Variants in GSDME observed in about 807,000 individuals in gnomAD.
The protein encoded by GSDME is gasdermin E, also known as gasdermin-E.
In GSDME, 44 loss-of-function variants were observed where a neutral mutation model predicts 47.5. That is an observed-to-expected ratio of 0.93 (90% confidence interval 0.73 to 1.19). The LOEUF (loss-of-function observed/expected upper bound fraction) is 1.19, where lower values mean the gene tolerates loss of function less well. Among genes scored for constraint, GSDME ranks in the 50% most tolerant of loss-of-function variants. The probability of loss-of-function intolerance (pLI) is 0.00; values close to 1 mark genes in which losing one functional copy is unlikely to be tolerated. For synonymous variants in GSDME, 258 were observed against 252.8 expected (o/e 1.02, Z -0.20); for missense variants, 663 against 604.2 (o/e 1.10, Z -1.02).
intron 5 of GSDME, among the ~76,000 whole-genome samples, chr7:24,711,057 T>A (rs1789334475): frequency 6.6e-6 from 1 of 152,152 alleles, no homozygotes. Flanking sequence ...ATGCCTAGGA[T>A]TTGCTTCAAA....
At chr7:24,746,375 C>T (rs1039527460) in intron 2 of GSDME, among the ~76,000 whole-genome samples, 4 of 152,120 alleles carry the variant, frequency 2.6e-5, no homozygotes, top group African/African-American at 9.7e-5. Flanking sequence ...CATTCATTTC[C>T]CTGAACCTCA....
the GSDME span, among the ~76,000 whole-genome samples, chr7:24,793,527 C>A: frequency 2.0e-5 from 3 of 152,192 alleles, no homozygotes; most frequent in Non-Finnish European, 2.9e-5. Flanking sequence ...ACACACTTTG[C>A]ATATAAACTG....
At position 24,733,379 on chromosome 7, in the gene GSDME, A is replaced by G. The variant is rs753747597; in HGVS notation, c.404+11183T>C. ...ACAGCTGTGCTGGCTATGAGGAGAG[A>G]TTCCTTCTGCTTGAGAAAAGCAGAG... is the stretch of plus-strand genomic sequence containing the variant. On this transcript the variant is annotated intron_variant, in intron 3 of 9. Transcript: ENST00000645220. The surrounding 1 kb of genome is among the most constrained non-coding windows in gnomAD (Gnocchi z 4.3). Among the ~76,000 whole-genome samples the G allele has an allele frequency of 1.3e-5, 2 of 151,990 alleles. No homozygotes were observed. The highest frequency in any genetic ancestry group is 2.9e-5 in the Non-Finnish European group (2 of 68,018).
At chr7:24,766,115 T>A in the GSDME span, among the ~76,000 whole-genome samples, 6 of 152,098 alleles carry the variant, frequency 3.9e-5, no homozygotes, top group South Asian at 1.2e-3. The surrounding 1 kb of genome is among the most constrained non-coding windows in gnomAD (Gnocchi z 4.2). Flanking sequence ...TCTAGGTTAG[T>A]GACTCCTAAA....
chr7:24,703,112 G>A (rs754508838), intron 8 of GSDME: 52 of 377,082 alleles, frequency 1.4e-4, no homozygotes, highest in Middle Eastern at 9.0e-4. Context: ...AGACTCTGGG[G>A]GAAGGAAAGG....
chr7:24,737,478 A>G (rs994944346), intron 3 of GSDME, among the ~76,000 whole-genome samples: 3 of 151,546 alleles, frequency 2.0e-5, no homozygotes, highest in Non-Finnish European at 3.0e-5. Flanking sequence ...AACAAAAAAA[A>G]CAAGTAATGG....
At chr7:24,771,327 A>C in the GSDME span, among the ~76,000 whole-genome samples, 2 of 152,204 alleles carry the variant, frequency 1.3e-5, no homozygotes, top group Admixed American at 1.3e-4. The surrounding 1 kb of genome is among the most constrained non-coding windows in gnomAD (Gnocchi z 4.1). Flanking sequence ...TGGACACATT[A>C]ATGTTTTTGT....
Position 24,712,617 on chromosome 7 carries a change from G to A in GSDME, c.698-2229C>T, listed in dbSNP as rs142004909. On this transcript the variant is annotated intron_variant, in intron 5 of 9. Coordinates refer to ENST00000645220, the MANE Select transcript of GSDME (RefSeq NM_001127453.2). This position sits in a 1 kb window ranked among gnomAD's most constrained non-coding sequence, Gnocchi z 4.4. ...TGAGTGTGGTAAGAGTGGGGACAGC[G>A]GTTGAACAGGGCTGAGGCCAGAGTG... is the stretch of plus-strand genomic sequence containing the variant. Among the ~76,000 whole-genome samples the A allele has an allele frequency of 5.9e-5, 9 of 152,310 alleles. No individual in the cohort carries two copies. Among genetic ancestry groups the A allele is most frequent in the Admixed American group, 2.0e-4 (3 of 15,296 alleles).
In GSDME at chr7:24,712,520, C is replaced by A. The variant is rs1789394638; in HGVS notation, c.698-2132G>T. ...CCAGCAAATATGCAACAATGTAAATCTTTAAAATTCCCTATACCAGGCCCC... is the reference window on the plus strand; with the variant it reads ...CCAGCAAATATGCAACAATGTAAATATTTAAAATTCCCTATACCAGGCCCC... On this transcript the variant is annotated intron_variant, in intron 5 of 9. Coordinates refer to ENST00000645220, the MANE Select transcript of GSDME (RefSeq NM_001127453.2). This position sits in a 1 kb window ranked among gnomAD's most constrained non-coding sequence, Gnocchi z 4.4. Among the ~76,000 whole-genome samples, 1 of 152,214 alleles carries A rather than the reference C, an allele frequency of 6.6e-6. No individual in the cohort carries two copies. The highest frequency in any genetic ancestry group is 1.5e-5 in the Non-Finnish European group (1 of 68,042).
intron 2 of GSDME, 50 bp downstream of exon 2, chr7:24,749,514 A>AAG: frequency 7.2e-7 from 1 of 1,388,244 alleles, no homozygotes; most frequent in Non-Finnish European, 1.0e-6. Flanking sequence ...AAAAAAAAAA[A>AAG]GGATCATCCT....
intron 3 of GSDME, among the ~76,000 whole-genome samples, chr7:24,719,656 G>A (rs1481033404): frequency 6.6e-6 from 1 of 152,128 alleles, no homozygotes; most frequent in African/African-American, 2.4e-5. Context: ...AGCCAGGCGT[G>A]GTGGCACACA....
chr7:24,774,129 C>A, the GSDME span, among the ~76,000 whole-genome samples: 2 of 152,160 alleles, frequency 1.3e-5, no homozygotes, highest in Non-Finnish European at 2.9e-5. Flanking sequence ...TCCTTTCTAA[C>A]TCCATCATGG....
chr7:24,761,718 G>C (rs745961718), upstream of GSDME, among the ~76,000 whole-genome samples: 5 of 152,206 alleles, frequency 3.3e-5, no homozygotes, highest in Non-Finnish European at 5.9e-5. This position sits in a 1 kb window ranked among gnomAD's most constrained non-coding sequence, Gnocchi z 4.4. Flanking sequence ...CTTCATCATG[G>C]TGGTTTTTGG....
At chr7:24,775,531 C>T in the GSDME span, among the ~76,000 whole-genome samples, 1 of 152,090 alleles carries the variant, frequency 6.6e-6, no homozygotes, top group African/African-American at 2.4e-5. Context: ...CTTGAGGTTG[C>T]TGTCCTCCTT....
At position 24,756,350 on chromosome 7, in the gene GSDME, G is replaced by T. The variant is rs1466211137; in HGVS notation, c.-20+1046C>A. ...CACTCCAGCCTTGGTGACAGAGCGAGACCCTCTCTCAACAATAACAAAGAA... is the reference window on the plus strand; with the variant it reads ...CACTCCAGCCTTGGTGACAGAGCGATACCCTCTCTCAACAATAACAAAGAA... On this transcript the variant is annotated intron_variant, in intron 1 of 9. Transcript: ENST00000645220. This position sits in a 1 kb window ranked among gnomAD's most constrained non-coding sequence, Gnocchi z 4.2. Among the ~76,000 whole-genome samples the T allele has an allele frequency of 6.6e-6, 1 of 152,170 alleles. No individual in the cohort carries two copies. Among genetic ancestry groups the T allele is most frequent in the African/African-American group, 2.4e-5 (1 of 41,442 alleles).
chr7:24,702,928 T>G (rs1410776455), intron 8 of GSDME, 95 bp from the exon 9 acceptor site: 2 of 1,075,482 alleles, frequency 1.9e-6, no homozygotes, highest in East Asian at 2.5e-5. Context: ...ATTTTAGTAC[T>G]TTCCCGCCAG....
intron 3 of GSDME, among the ~76,000 whole-genome samples, chr7:24,738,933 C>CTG (rs1216985167): frequency 6.6e-6 from 1 of 152,158 alleles, no homozygotes; most frequent in Non-Finnish European, 1.5e-5. Flanking sequence ...TATCCCTATG[C>CTG]AGAAGAATGA....
At chr7:24,704,150 A>AGACTT (rs1313775436) in intron 8 of GSDME, 2 of 152,258 alleles carry the variant, frequency 1.3e-5, no homozygotes, top group Non-Finnish European at 2.9e-5. Context: ...TGGAGGGCCA[A>AGACTT]GACTTGATAT....
chr7:24,760,647 T>A (rs1408166966), upstream of GSDME, among the ~76,000 whole-genome samples: 4 of 152,236 alleles, frequency 2.6e-5, no homozygotes, highest in African/African-American at 9.6e-5. The surrounding 1 kb of genome is among the most constrained non-coding windows in gnomAD (Gnocchi z 4.2). Context: ...TTTTGCCTTT[T>A]ACCATATTGA....
Sources: allele counts gnomAD v4.1 joint callset (sites outside exome capture counted in the v4.1 genomes callset), GRCh38; gene constraint gnomAD v4.1.1; non-coding constraint Gnocchi (gnomAD v3.1); transcripts MANE v1.5; gene names NCBI Gene and HGNC (gene_info 2026-07-23, HGNC 2026-07-21).